The following KIF5C variants were observed in gnomAD, a reference collection of about 807,000 sequenced individuals.
KIF5C encodes kinesin family member 5C.
KIF5C carries 18 observed loss-of-function variants against 125.2 expected under a neutral mutation model. That is an observed-to-expected ratio of 0.14 (90% CI 0.10 to 0.21). The LOEUF is 0.21. KIF5C is among the 10% of genes least tolerant of loss of function. The pLI is 1.00. For synonymous variants in KIF5C, 405 were observed against 434.0 expected, an observed-to-expected ratio of 0.93 and a Z score of 0.83; for missense variants, 780 against 1,183.8, an observed-to-expected ratio of 0.66 and a Z score of 5.01.
At chr2:149,021,352 G>C (rs1220266679) in intron 25 of KIF5C, among the ~76,000 whole-genome samples, 2 of 151,942 alleles carry the variant, frequency 1.3e-5, no homozygotes, top group Non-Finnish European at 2.9e-5. Flanking sequence ...ATAGGCATCA[G>C]CCACTGCACT....
intron 1 of KIF5C, among the ~76,000 whole-genome samples, chr2:148,899,769 C>T (rs957509318): frequency 6.6e-6 from 1 of 151,552 alleles, no homozygotes; most frequent in Non-Finnish European, 1.5e-5. Context: ...CCAACAGACT[C>T]CTTAAAAATG....
At chr2:149,012,394 A>G (rs1464610430) in intron 25 of KIF5C, among the ~76,000 whole-genome samples, 1 of 152,258 alleles carries the variant, frequency 6.6e-6, no homozygotes, top group Non-Finnish European at 1.5e-5. Context: ...CTTTGTTTAG[A>G]TAAACTCTGA....
chr2:148,997,465 T>C (rs1276906246), intron 18 of KIF5C, 125 bp downstream of exon 18: 20 of 1,513,390 alleles, frequency 1.3e-5, no homozygotes, highest in Non-Finnish European at 1.7e-5. Flanking sequence ...GGAGGGGCTG[T>C]TGTTGGGCAT....
At chr2:148,928,055 C>G (rs1024555717) in intron 2 of KIF5C, among the ~76,000 whole-genome samples, 1 of 152,086 alleles carries the variant, frequency 6.6e-6, no homozygotes, top group African/African-American at 2.4e-5. Flanking sequence ...GTTCACACTT[C>G]AACAACCTCA....
chr2:148,997,212 G>C, intron 17 of KIF5C, 52 bp from the exon 18 acceptor site: 1 of 1,565,568 alleles, frequency 6.4e-7, no homozygotes, highest in Non-Finnish European at 8.7e-7. Flanking sequence ...TTTGCTTTTG[G>C]GTGTGAGTCC....
chr2:148,894,786 C>CT (rs1245016462), intron 1 of KIF5C, among the ~76,000 whole-genome samples: 1 of 150,654 alleles, frequency 6.6e-6, no homozygotes, highest in South Asian at 2.1e-4. Context: ...TTTCTTTTTA[C>CT]TTTTTTTCTT....
intron 3 of KIF5C, 24 bp from the exon 4 acceptor site, chr2:148,937,260 C>G (rs541496957): frequency 1.3e-6 from 2 of 1,565,230 alleles, no homozygotes; most frequent in East Asian, 4.7e-5. Flanking sequence ...TTTAACTGCC[C>G]GTGTTTGTAT....
intron 10 of KIF5C, among the ~76,000 whole-genome samples, chr2:148,958,558 A>G (rs375423095): frequency 6.6e-6 from 1 of 152,282 alleles, no homozygotes; most frequent in African/African-American, 2.4e-5. Context: ...GTCCTTTGTC[A>G]GGTATATGTA....
At chr2:148,963,058 G>C (rs956055924) in intron 11 of KIF5C, among the ~76,000 whole-genome samples, 5 of 151,910 alleles carry the variant, frequency 3.3e-5, no homozygotes, top group African/African-American at 1.2e-4. Context: ...CAGTGGGTGG[G>C]TGGGTTGTGG....
chr2:149,007,921 T>C (rs1402746164), intron 22 of KIF5C, 42 bp from the exon 23 acceptor site: 1 of 1,275,038 alleles, frequency 7.8e-7, no homozygotes, highest in Non-Finnish European at 1.1e-6. Flanking sequence ...GGAGGGTGGG[T>C]GGGTGACAGC....
At chr2:149,004,344 G>T (rs1384441599) in intron 21 of KIF5C, among the ~76,000 whole-genome samples, 1 of 152,178 alleles carries the variant, frequency 6.6e-6, no homozygotes, top group Admixed American at 6.5e-5. Flanking sequence ...GGTCAATTTA[G>T]ACAAAGTTTG....
chr2:148,895,120 C>T (rs1443108976), intron 1 of KIF5C, among the ~76,000 whole-genome samples: 1 of 152,124 alleles, frequency 6.6e-6, no homozygotes, highest in African/African-American at 2.4e-5. Context: ...CTGTTATCCC[C>T]CTCACTCTGA....
chr2:149,010,806 G>T (rs979827223), intron 24 of KIF5C, among the ~76,000 whole-genome samples: 2 of 152,230 alleles, frequency 1.3e-5, no homozygotes, highest in Admixed American at 1.3e-4. Flanking sequence ...GGAAGAGCCA[G>T]GCTGGCATCC....
intron 1 of KIF5C, among the ~76,000 whole-genome samples, chr2:148,913,101 T>C (rs1167802662): frequency 1.3e-5 from 2 of 152,248 alleles, no homozygotes; most frequent in Non-Finnish European, 2.9e-5. Context: ...TTGTAATTTA[T>C]GGGAGTTATT....
chr2:148,934,608 A>G (rs950484803), intron 3 of KIF5C, among the ~76,000 whole-genome samples: 1 of 150,884 alleles, frequency 6.6e-6, no homozygotes, highest in Non-Finnish European at 1.5e-5. Context: ...GACACCACAT[A>G]TCACACATAT....
In KIF5C at chr2:148,903,013, G is replaced by A. The variant is rs560189308; in HGVS notation, c.127-19124G>A. Among the ~76,000 whole-genome samples, 9 of 152,200 alleles carry A rather than the reference G, an allele frequency of 5.9e-5. No homozygotes were observed. In the South Asian group the frequency reaches 1.9e-3, roughly 32 times the overall value. ...CTTCATGGAGCATTGGGTTGAGAGG[G>A]ATTGTAAGGCTGCCCTTGAGCTGTA... is the stretch of plus-strand genomic sequence containing the variant. On this transcript the variant is annotated intron_variant, in intron 1 of 25. Coordinates refer to ENST00000435030, the MANE Select transcript of KIF5C (RefSeq NM_004522.3).
intron 21 of KIF5C, 30 bp downstream of exon 21, chr2:149,000,812 T>G (rs1176918100): frequency 4.3e-6 from 7 of 1,611,372 alleles, no homozygotes; most frequent in Non-Finnish European, 5.1e-6. Context: ...GATTTATGTT[T>G]GTCTCCAAGA....
At chr2:148,898,673 G>A (rs1680764196) in intron 1 of KIF5C, among the ~76,000 whole-genome samples, 1 of 152,192 alleles carries the variant, frequency 6.6e-6, no homozygotes, top group Non-Finnish European at 1.5e-5. Flanking sequence ...GGCAAAGGCA[G>A]GAAAACGGAA....
intron 11 of KIF5C, among the ~76,000 whole-genome samples, chr2:148,965,294 A>G (rs551356136): frequency 2.8e-4 from 43 of 152,158 alleles, no homozygotes; most frequent in Non-Finnish European, 4.9e-4. Flanking sequence ...GGTAGGTGTG[A>G]GGGCCCTTTG....
Sources: allele counts gnomAD v4.1 joint callset (sites outside exome capture counted in the v4.1 genomes callset), GRCh38; gene constraint gnomAD v4.1.1; transcripts MANE v1.5; gene names NCBI Gene and HGNC (gene_info 2026-07-23, HGNC 2026-07-21).